SLC9B1: variants seen among roughly 807,000 people sequenced by gnomAD.
SLC9B1 encodes the protein sodium/hydrogen exchanger 9B1.
In SLC9B1, 32 loss-of-function variants were observed where a neutral mutation model predicts 51.7. That is an observed-to-expected ratio of 0.62 (90% CI 0.47 to 0.83). SLC9B1 has a LOEUF of 0.83. SLC9B1 is among the 40% of genes least tolerant of loss of function. The pLI, the probability that SLC9B1 is intolerant of heterozygous loss-of-function variation, is 0.00. For synonymous variants in SLC9B1, 145 were observed against 212.7 expected, an observed-to-expected ratio of 0.68 and a Z score of 2.77; for missense variants, 406 against 613.2, an observed-to-expected ratio of 0.66 and a Z score of 3.57.
intron 3 of SLC9B1, among the ~76,000 whole-genome samples, chr4:102,949,953 T>C (rs1160174431): frequency 2.0e-5 from 3 of 151,854 alleles, no homozygotes; most frequent in Non-Finnish European, 2.9e-5. Flanking sequence ...AGAGTGAGAC[T>C]CAGTCTCAAT....
At chr4:102,968,547 A>T (rs1266130989) in intron 3 of SLC9B1, among the ~76,000 whole-genome samples, 1 of 152,226 alleles carries the variant, frequency 6.6e-6, no homozygotes, top group African/African-American at 2.4e-5. Flanking sequence ...TAAATAAATG[A>T]AAGGAGAGGA....
At chr4:102,984,687 T>C (rs372782132) in intron 3 of SLC9B1, among the ~76,000 whole-genome samples, 2 of 152,322 alleles carry the variant, frequency 1.3e-5, no homozygotes, top group Admixed American at 6.5e-5. Flanking sequence ...AAGTAGTCTA[T>C]AAATGTCAAT....
downstream of SLC9B1, among the ~76,000 whole-genome samples, chr4:102,898,759 G>A (rs1305344986): frequency 1.3e-5 from 2 of 152,156 alleles, no homozygotes; most frequent in African/African-American, 2.4e-5. Context: ...ACGGAGTCTC[G>A]CTCTGTCACC....
intron 1 of SLC9B1, among the ~76,000 whole-genome samples, chr4:103,007,627 T>G (rs1232669276): frequency 6.8e-6 from 1 of 147,342 alleles, no homozygotes. Context: ...GAGAGATGGG[T>G]TCTCACTCTG....
At chr4:103,016,759 C>T (rs1419178052) in intron 1 of SLC9B1, 1 of 151,940 alleles carries the variant, frequency 6.6e-6, no homozygotes, top group East Asian at 1.9e-4. Flanking sequence ...CCCGGCCAGT[C>T]TCGGCTTTTA....
chr4:102,905,437 T>A, intron 11 of SLC9B1, 77 bp downstream of exon 11: 3 of 1,405,158 alleles, frequency 2.1e-6, no homozygotes, highest in Non-Finnish European at 3.0e-6. Context: ...ATTTTGTGAC[T>A]AGAGTAACAT....
chr4:102,972,854 G>C (rs1738835855), intron 3 of SLC9B1, among the ~76,000 whole-genome samples: 1 of 152,084 alleles, frequency 6.6e-6, no homozygotes, highest in Non-Finnish European at 1.5e-5. Flanking sequence ...AAATGAGGGT[G>C]ATCAAAATTA....
At chr4:102,901,379 A>C in intron 11 of SLC9B1, 47 bp from the exon 12 acceptor site, 1 of 1,601,776 alleles carries the variant, frequency 6.2e-7, no homozygotes, top group Middle Eastern at 2.3e-4. Flanking sequence ...TATTAAACTG[A>C]GTTGATATAT....
rs1736497734 is a variant in SLC9B1, at chr4:102,932,259, A to G, written c.694T>C (p.Tyr232His). 6.2e-7 allele frequency: 1 copy of G among 1,611,796 alleles called. No homozygotes were observed. The highest frequency in any genetic ancestry group is 1.3e-5 in the African/African-American group (1 of 74,876). The stretch of plus-strand genomic sequence containing the variant: ...CCATTTTCTTGCAGCACCATCATGT[A>G]AGGGACAACAACAGCAGGAGAGACA... ...GAVSPAVVVP[Y>H]MMVLQENGYG... is the part of the protein sequence containing the mutation. Residue 232 changes from tyrosine to histidine, a missense_variant, in exon 7 of 12, where the codon TAC (tyrosine) becomes CAC (histidine). Around this residue, in one of 6 missense-constraint regions of SLC9B1, gnomAD observed 250 missense variants for 394.1 expected, o/e 0.63. Coordinates refer to ENST00000296422, the MANE Select transcript of SLC9B1 (RefSeq NM_139173.4).
In SLC9B1 at chr4:102,956,389, A is replaced by G. The variant is rs1737816408; in HGVS notation, c.212-6962T>C. 2.0e-5 allele frequency among the ~76,000 whole-genome samples: 3 copies of G among 152,260 alleles called. No individual in the cohort carries two copies. In the South Asian group the frequency reaches 6.2e-4, roughly 32 times the overall value. ...TTTGTGATAAGTTCTCCACACATAT[A>G]TGGCCGATTGGAAAAGTATGGAAGT... On this transcript the variant is annotated intron_variant, in intron 3 of 11. Transcript: ENST00000296422.
intron 4 of SLC9B1, among the ~76,000 whole-genome samples, chr4:102,948,821 G>A (rs1227585243): frequency 6.6e-6 from 1 of 152,148 alleles, no homozygotes; most frequent in Non-Finnish European, 1.5e-5. Context: ...CAAAAGGAGA[G>A]AGGGTTGGAG....
intron 7 of SLC9B1, among the ~76,000 whole-genome samples, chr4:102,924,556 T>G (rs1736060190): frequency 6.6e-6 from 1 of 152,048 alleles, no homozygotes; most frequent in Non-Finnish European, 1.5e-5. Flanking sequence ...AATTGACAAA[T>G]GGGATCTAAT....
chr4:102,982,603 A>T, intron 3 of SLC9B1, among the ~76,000 whole-genome samples: 1 of 152,104 alleles, frequency 6.6e-6, no homozygotes, highest in East Asian at 1.9e-4. Flanking sequence ...GATCTTGTAT[A>T]TATTTTTGTT....
chr4:102,972,009 A>C (rs1199659674), intron 3 of SLC9B1, among the ~76,000 whole-genome samples: 1 of 152,296 alleles, frequency 6.6e-6, no homozygotes, highest in East Asian at 1.9e-4. Context: ...TTAGCCTACC[A>C]ACAAAAAAAA....
intron 2 of SLC9B1, among the ~76,000 whole-genome samples, chr4:102,991,330 C>A (rs943576900): frequency 1.3e-5 from 2 of 152,016 alleles, no homozygotes; most frequent in African/African-American, 4.8e-5. Context: ...TTAATCTAGA[C>A]TTATCTTTAC....
chr4:102,895,536 AG>A (rs1339449853), intron 11 of SLC9B1, among the ~76,000 whole-genome samples: 1 of 152,200 alleles, frequency 6.6e-6, no homozygotes. Context: ...GAACAAAAAA[AG>A]GAAAGAAAAC....
chr4:103,018,258 G>A (rs1358624403), intron 1 of SLC9B1, among the ~76,000 whole-genome samples: 1 of 152,148 alleles, frequency 6.6e-6, no homozygotes, highest in African/African-American at 2.4e-5. Context: ...GTAATTGGCA[G>A]GACCTTATGA....
At chr4:102,886,519 A>G (rs72935548) in intron 11 of SLC9B1, among the ~76,000 whole-genome samples, 2,796 of 152,232 alleles carry the variant, frequency 0.018, 78 homozygotes, top group African/African-American at 0.061. Flanking sequence ...AATACACACA[A>G]TAAATGCATA....
In SLC9B1 at chr4:102,949,345, C is replaced by T. The variant is rs767941704; in HGVS notation, c.294G>A (p.Leu98=). The T allele has an allele frequency of 3.7e-6, 6 of 1,610,656 alleles. No individual in the cohort carries two copies. In the South Asian group the frequency reaches 5.5e-5, roughly 15 times the overall value. ...TAATGGCACTATAAAAAATAATGAA[C>T]AACCCAAATAAATTTCCACCAGGGA... is the stretch of plus-strand genomic sequence containing the variant. ...EALPGGNLFG[L]FIIFYSAIIG... is the part of the protein sequence containing the mutation. Residue 98 remains leucine, a synonymous_variant, in exon 4 of 12, where the codon TTG becomes TTA. Coordinates refer to ENST00000296422, the MANE Select transcript of SLC9B1 (RefSeq NM_139173.4).
Sources: allele counts gnomAD v4.1 joint callset (sites outside exome capture counted in the v4.1 genomes callset), GRCh38; gene constraint gnomAD v4.1.1; regional missense constraint gnomAD v4.1.1; transcripts MANE v1.5; gene names NCBI Gene and HGNC (gene_info 2026-07-23, HGNC 2026-07-21).